The following ZNF518B variants were observed in gnomAD, a reference collection of about 807,000 sequenced individuals.
ZNF518B encodes the protein zinc finger protein 518B.
Under a neutral mutation model 56.3 loss-of-function variants are expected in ZNF518B, and 23 were observed. The observed-to-expected ratio is 0.41, with a 90% confidence interval of 0.29 to 0.58. The LOEUF (loss-of-function observed/expected upper bound fraction) is 0.58, where lower values mean the gene tolerates loss of function less well. ZNF518B is among the 20% of genes least tolerant of loss of function. ZNF518B has a pLI of 0.32. For missense variants in ZNF518B, 1,460 were observed against 1,272.1 expected (o/e 1.15, Z -2.25); for synonymous variants, 529 against 465.9 (o/e 1.14, Z -1.74).
At chr4:10,454,241 C>G (rs1167375628) in intron 2 of ZNF518B, 1 of 152,248 alleles carries the variant, frequency 6.6e-6, no homozygotes, top group Admixed American at 6.5e-5. Context: ...CCACCCTTGC[C>G]TAGCCCTGTG....
upstream of ZNF518B, among the ~76,000 whole-genome samples, chr4:10,461,161 C>A (rs529927392): frequency 1.2e-4 from 19 of 152,392 alleles, 1 homozygote; most frequent in South Asian, 3.9e-3. Flanking sequence ...CTGCCAGTCT[C>A]TGAGACGTTT....
intron 2 of ZNF518B, among the ~76,000 whole-genome samples, chr4:10,448,157 A>T (rs1407987416): frequency 6.6e-6 from 1 of 152,194 alleles, no homozygotes; most frequent in Admixed American, 6.5e-5. Context: ...AGCCGCCATG[A>T]TGATTAGAAT....
At chr4:10,459,982 CG>C (rs1715691855), upstream of ZNF518B, among the ~76,000 whole-genome samples, 1 of 152,046 alleles carries the variant, frequency 6.6e-6, no homozygotes, top group African/African-American at 2.4e-5. Context: ...TGGGAGCCAA[CG>C]TTCATTCATT....
intron 1 of ZNF518B, among the ~76,000 whole-genome samples, chr4:10,456,281 A>T (rs1715523267): frequency 6.6e-6 from 1 of 152,110 alleles, no homozygotes; most frequent in South Asian, 2.1e-4. Flanking sequence ...TAACTACCCA[A>T]CTTATAAAGA....
At chr4:10,458,505 G>C (rs1715640461), upstream of ZNF518B, among the ~76,000 whole-genome samples, 2 of 152,160 alleles carry the variant, frequency 1.3e-5, no homozygotes, top group African/African-American at 4.8e-5. Flanking sequence ...CACAAGTCCA[G>C]CAGCTGGGCA....
chr4:10,446,160 T>C lies in ZNF518B; in HGVS notation c.169A>G (p.Ile57Val), dbSNP rs1047598195. The change falls in exon 3 of 3, where the codon ATT (isoleucine) becomes GTT (valine). Residue 57 changes from isoleucine to valine, a missense_variant. Transcript: ENST00000326756. ...CTTTTGCACTTTGCACATGTAGCAA[T>C]GGTCATCATGGCAGCCTCTGCCTCT... ...GSEAEAAMMT[I>V]ATCAKCKSVH... 1.2e-6 allele frequency: 2 copies of C among 1,614,194 alleles called. No homozygotes were observed. Among genetic ancestry groups the C allele is most frequent in the Admixed American group, 1.7e-5 (1 of 60,020 alleles).
chr4:10,444,477 A>G lies in ZNF518B; in HGVS notation c.1852T>C (p.Leu618=). 2 of 1,614,136 alleles carry G rather than the reference A, an allele frequency of 1.2e-6. No individual in the cohort carries two copies. The highest frequency in any genetic ancestry group is 2.7e-5 in the African/African-American group (2 of 75,042). ...SQQPGDKPLE[L]KNSERTNNTN... ...TTGTTAGTCCTTTCAGAATTCTTTA[A>G]TTCCAAAGGCTTATCCCCAGGCTGT... The change falls in exon 3 of 3, where the codon TTA becomes CTA. Residue 618 remains leucine, a synonymous_variant. Transcript: ENST00000326756.
Position 10,446,068 on chromosome 4 carries a change from G to T in ZNF518B, c.261C>A (p.Phe87Leu). Residue 87 changes from phenylalanine to leucine, a missense_variant, in exon 3 of 3, where the codon TTC (phenylalanine) becomes TTA (leucine). By Grantham distance (22) the Phe-to-Leu change is conservative. Transcript: ENST00000326756. The stretch of plus-strand genomic sequence containing the variant: ...GAGGAGCTGCACCGAGGCTGCACTG[G>T]AAGCAGACATACATACCGTCCTTCC... ...GTGKDGMYVC[F>L]QCSLGAAPPN... 1 of 1,614,106 alleles carries T rather than the reference G, an allele frequency of 6.2e-7. No homozygotes were observed. The highest frequency in any genetic ancestry group is 2.2e-5 in the East Asian group (1 of 44,888).
rs1560168798 is a variant in ZNF518B at position 10,444,114 on chromosome 4, G to A, written c.2215C>T (p.Leu739Phe). The A allele has an allele frequency of 1.2e-6, 2 of 1,614,228 alleles. No individual in the cohort carries two copies. The highest frequency in any genetic ancestry group is 2.2e-5 in the South Asian group (2 of 91,086). The change falls in exon 3 of 3, where the codon CTT (leucine) becomes TTT (phenylalanine). Residue 739 changes from leucine (L) to phenylalanine (F), a missense_variant. Coordinates refer to ENST00000326756, the MANE Select transcript of ZNF518B (RefSeq NM_053042.3). The part of the protein sequence containing the change: ...NDGGITGNRQ[L>F]THQQIYPHFA... ...TGTGGATATATTTGTTGATGAGTAA[G>A]CTGTCTATTACCAGTAATACCACCA...
At chr4:10,460,927 C>CT (rs1156383837), upstream of ZNF518B, among the ~76,000 whole-genome samples, 8 of 152,088 alleles carry the variant, frequency 5.3e-5, no homozygotes, top group African/African-American at 1.2e-4. Flanking sequence ...CAGAAAGTGG[C>CT]TTTTTTTTCT....
At chr4:10,455,259 A>G (rs1350404907) in intron 1 of ZNF518B, among the ~76,000 whole-genome samples, 1 of 152,142 alleles carries the variant, frequency 6.6e-6, no homozygotes, top group African/African-American at 2.4e-5. Flanking sequence ...TATGATGACA[A>G]TGTTTAGACT....
Position 10,441,522 on chromosome 4 carries a change from T to C in ZNF518B, c.*1582A>G, listed in dbSNP as rs1282990666. On this transcript the variant is annotated 3_prime_UTR_variant, in exon 3 of 3. Coordinates refer to ENST00000326756, the MANE Select transcript of ZNF518B (RefSeq NM_053042.3). ...GTCTTTTTCAGGTGCAACAACTCTT[T>C]AGTTTCATTCACTGCACCCCACAAA... 1 of 152,498 alleles carries C rather than the reference T, an allele frequency of 6.6e-6. No individual in the cohort carries two copies. The highest frequency in any genetic ancestry group is 2.4e-5 in the African/African-American group (1 of 41,374). The allele number at this position is 152,498 out of a possible 1,614,324, so 9.4% of individuals were successfully genotyped here.
intron 2 of ZNF518B, chr4:10,451,698 A>G (rs1715318621): frequency 6.6e-6 from 1 of 152,224 alleles, no homozygotes; most frequent in Admixed American, 6.5e-5. Context: ...CGCCCGAAAG[A>G]TAATTTACCT....
Position 10,444,044 on chromosome 4 carries a change from C to G in ZNF518B, c.2285G>C (p.Arg762Thr). Residue 762 changes from arginine (R) to threonine (T), a missense_variant, in exon 3 of 3, where the codon AGG (arginine) becomes ACG (threonine). By Grantham distance (71) the Arg-to-Thr change is moderately conservative. Coordinates refer to ENST00000326756, the MANE Select transcript of ZNF518B (RefSeq NM_053042.3). ...CACTGGCGTGGCAACATGAGCCTTC[C>G]TGGCCACTCTGCTTTTGGTTTTCCT... ...SNRKTKSRVA[R>T]KAHVATPVLI... 6.2e-7 allele frequency: 1 copy of G among 1,614,202 alleles called. No individual in the cohort carries two copies. The highest frequency in any genetic ancestry group is 1.3e-5 in the African/African-American group (1 of 75,060).
chr4:10,446,812 G>A (rs1241097873), intron 2 of ZNF518B, among the ~76,000 whole-genome samples: 2 of 152,172 alleles, frequency 1.3e-5, no homozygotes, highest in Non-Finnish European at 2.9e-5. Flanking sequence ...AGCCATTCAG[G>A]ACAGCCTTTG....
chr4:10,460,362 C>A (rs1250003669), upstream of ZNF518B, among the ~76,000 whole-genome samples: 1 of 143,808 alleles, frequency 7.0e-6, no homozygotes, highest in Non-Finnish European at 1.5e-5. Flanking sequence ...AATGCCCATT[C>A]AGTGCAGGCA....
chr4:10,459,171 A>G (rs1042739674), upstream of ZNF518B, among the ~76,000 whole-genome samples: 1 of 152,174 alleles, frequency 6.6e-6, no homozygotes, highest in Admixed American at 6.5e-5. Flanking sequence ...GCAAGTCAGG[A>G]CTTATCACAG....
chr4:10,443,160 G>A lies in ZNF518B; in HGVS notation c.3169C>T (p.Arg1057Trp), dbSNP rs750535813. The A allele has an allele frequency of 6.2e-6, 10 of 1,613,976 alleles. No individual in the cohort carries two copies. Among genetic ancestry groups the A allele is most frequent in the African/African-American group, 1.3e-5 (1 of 74,922 alleles). ...DQEEWMSHGQ[R>W]HLIEATRDWD... is the part of the protein sequence containing the mutation. The stretch of plus-strand genomic sequence containing the variant: ...TCTCTAGTTGCTTCTATCAAATGCC[G>A]TTGGCCATGACTCATCCACTCTTCC... Residue 1057 changes from arginine (R) to tryptophan (W), a missense_variant, in exon 3 of 3, where the codon CGG (arginine) becomes TGG (tryptophan). By Grantham distance (101) the Arg-to-Trp change is moderately radical (BLOSUM62 -3). Transcript: ENST00000326756.
At chr4:10,459,896 A>T (rs545955973), upstream of ZNF518B, among the ~76,000 whole-genome samples, 1 of 152,158 alleles carries the variant, frequency 6.6e-6, no homozygotes, top group Non-Finnish European at 1.5e-5. Context: ...TAAGAAATCA[A>T]TGCACCCTCC....
Sources: allele counts gnomAD v4.1 joint callset (sites outside exome capture counted in the v4.1 genomes callset), GRCh38; gene constraint gnomAD v4.1.1; transcripts MANE v1.5; gene names NCBI Gene and HGNC (gene_info 2026-07-23, HGNC 2026-07-21).